AFAP1: variants seen among roughly 807,000 people sequenced by gnomAD.
AFAP1 encodes the protein actin filament-associated protein 1.
A neutral mutation model predicts 93.9 loss-of-function variants in AFAP1; 75 were observed. The observed-to-expected ratio is 0.80, with a 90% CI of 0.66 to 0.97. The LOEUF is 0.97. Among genes scored for constraint, AFAP1 ranks in the 50% least tolerant of loss-of-function variants. The pLI, the probability that AFAP1 is intolerant of heterozygous loss-of-function variation, is 0.00. For missense variants in AFAP1, 1,201 were observed against 1,050.8 expected (o/e 1.14, Z -1.98); for synonymous variants, 517 against 430.7 (o/e 1.20, Z -2.48).
chr4:7,795,057 A>G (rs12511332), intron 10 of AFAP1, among the ~76,000 whole-genome samples: 18,164 of 152,232 alleles, frequency 0.12, 1,305 homozygotes, highest in East Asian at 0.27. Flanking sequence ...TGGGTTTTAT[A>G]ATTATAACCT....
intron 11 of AFAP1, among the ~76,000 whole-genome samples, chr4:7,791,881 C>T (rs375467648): frequency 1.2e-4 from 18 of 151,504 alleles, no homozygotes; most frequent in East Asian, 7.7e-4. Context: ...CAACAAAACC[C>T]TAATAACAAA....
chr4:7,858,524 G>A (rs143404684), intron 3 of AFAP1, among the ~76,000 whole-genome samples: 1,733 of 152,210 alleles, frequency 0.011, 37 homozygotes, highest in African/African-American at 0.037. Context: ...ACTGCTTTTA[G>A]AGGATCAAGT....
At chr4:7,893,095 G>A (rs897771424) in intron 1 of AFAP1, among the ~76,000 whole-genome samples, 1 of 152,152 alleles carries the variant, frequency 6.6e-6, no homozygotes, top group East Asian at 1.9e-4. Flanking sequence ...GGTGCCGGGG[G>A]GGCAGAAACC....
intron 1 of AFAP1, among the ~76,000 whole-genome samples, chr4:7,933,851 G>A (rs1721237563): frequency 6.6e-6 from 1 of 152,214 alleles, no homozygotes; most frequent in Non-Finnish European, 1.5e-5. Context: ...CCCACATGGT[G>A]ATTTTTGCCC....
intron 1 of AFAP1, among the ~76,000 whole-genome samples, chr4:7,921,675 A>G (rs1006564031): frequency 5.9e-5 from 9 of 152,370 alleles, no homozygotes; most frequent in Admixed American, 5.9e-4. Context: ...TTCCATTTCT[A>G]GCAATGCATC....
At chr4:7,916,079 C>T (rs6838291) in intron 1 of AFAP1, among the ~76,000 whole-genome samples, 29,668 of 152,006 alleles carry the variant, frequency 0.2, 3,139 homozygotes, top group African/African-American at 0.26. Flanking sequence ...GCTTCACCCA[C>T]CTGGAAGGCA....
At chr4:7,763,868 C>G (rs1311139694) in intron 17 of AFAP1, 77 bp from the exon 18 acceptor site, 2 of 1,460,704 alleles carry the variant, frequency 1.4e-6, no homozygotes, top group Non-Finnish European at 1.9e-6. Context: ...CATCCACATT[C>G]AACTCAGAGG....
At position 7,939,416 on chromosome 4, in the gene AFAP1, G is replaced by A. The variant is rs561116801; in HGVS notation, c.-3+240C>T. 2.0e-5 allele frequency: 6 copies of A among 303,048 alleles called. No homozygotes were observed. Among genetic ancestry groups the A allele is most frequent in the South Asian group, 7.4e-5 (3 of 40,424 alleles). The allele number at this position is 303,048 out of a possible 1,614,324, so 18.8% of individuals were successfully genotyped here. On this transcript the variant is annotated intron_variant, in intron 1 of 17. Coordinates refer to ENST00000420658, the MANE Select transcript of AFAP1 (RefSeq NM_001134647.2). The surrounding 1 kb of genome is among the most constrained non-coding windows in gnomAD (Gnocchi z 5.6). ...CGCCCGGGTCCACGCAGTCCCCTCC[G>A]GGCAGACGCGGGGAGCTGGGGAGCA...
chr4:7,917,253 A>G (rs1720135154), intron 1 of AFAP1, among the ~76,000 whole-genome samples: 1 of 152,176 alleles, frequency 6.6e-6, no homozygotes, highest in African/African-American at 2.4e-5. Context: ...GGAGTCAATC[A>G]GGTCTCACTG....
chr4:7,781,502 A>G lies in AFAP1; in HGVS notation c.1656T>C (p.Ala552=). ...CAGACAGCCTAGAGGCCTTTCTGTC[A>G]GCAGGAGAGTAGCGGGCAAAGATGT... is the stretch of plus-strand genomic sequence containing the variant. ...PPHIFARYSP[A]DRKASRLSAD... Residue 552 remains alanine, a synonymous_variant, in exon 13 of 18, where the codon GCT becomes GCC. Coordinates refer to ENST00000420658, the MANE Select transcript of AFAP1 (RefSeq NM_001134647.2). 6.4e-7 allele frequency: 1 copy of G among 1,552,278 alleles called. No individual in the cohort carries two copies. The highest frequency in any genetic ancestry group is 8.7e-7 in the Non-Finnish European group (1 of 1,147,134).
chr4:7,822,654 G>A (rs1214474714), intron 6 of AFAP1, among the ~76,000 whole-genome samples: 26 of 145,434 alleles, frequency 1.8e-4, no homozygotes, highest in African/African-American at 6.7e-4. Context: ...GCACGATCTC[G>A]GCTCACTGCA....
At chr4:7,884,599 T>A (rs1395657564) in intron 1 of AFAP1, among the ~76,000 whole-genome samples, 1 of 152,124 alleles carries the variant, frequency 6.6e-6, no homozygotes, top group Admixed American at 6.5e-5. Flanking sequence ...AATTGTCACC[T>A]TAATAACTGG....
intron 3 of AFAP1, among the ~76,000 whole-genome samples, chr4:7,864,662 T>C (rs1348102020): frequency 3.3e-5 from 5 of 152,232 alleles, no homozygotes; most frequent in Non-Finnish European, 5.9e-5. Context: ...CTGTCCCACC[T>C]GTTGAGTTGT....
chr4:7,832,966 C>A (rs1033863463), intron 6 of AFAP1, among the ~76,000 whole-genome samples: 1 of 152,134 alleles, frequency 6.6e-6, no homozygotes, highest in Non-Finnish European at 1.5e-5. Context: ...GAGAATGAAA[C>A]TGGATCCTCA....
Position 7,763,606 on chromosome 4 carries a change from G to T in AFAP1, c.*159C>A, listed in dbSNP as rs1468637894. ...CCATTTTACAGTAGAAAGAATACAAGTGGGCCTGGGGGACAGGCACTGGCC... is the reference window on the plus strand; with the variant it reads ...CCATTTTACAGTAGAAAGAATACAATTGGGCCTGGGGGACAGGCACTGGCC... On this transcript the variant is annotated 3_prime_UTR_variant, in exon 18 of 18. Transcript: ENST00000420658. The T allele has an allele frequency of 5.7e-6, 4 of 702,388 alleles. No homozygotes were observed. The highest frequency in any genetic ancestry group is 3.6e-5 in the African/African-American group (2 of 55,088). 43.5% of individuals were successfully genotyped at this position (702,388 alleles called of 1,614,324 possible).
chr4:7,784,249 C>A (rs139332587), intron 12 of AFAP1, among the ~76,000 whole-genome samples: 2 of 152,174 alleles, frequency 1.3e-5, no homozygotes, highest in Non-Finnish European at 2.9e-5. Flanking sequence ...AGATGGGGGG[C>A]TCTACTGGAT....
rs368807249 is a variant in AFAP1, at chr4:7,768,874, G to C, written c.2388C>G (p.Pro796=). 12 of 1,607,336 alleles carry C rather than the reference G, an allele frequency of 7.5e-6. No individual in the cohort carries two copies. The highest frequency in any genetic ancestry group is 4.3e-6 in the Non-Finnish European group (5 of 1,175,154). The change falls in exon 17 of 18, where the codon CCC becomes CCG. Residue 796 remains proline, a synonymous_variant. Coordinates refer to ENST00000420658, the MANE Select transcript of AFAP1 (RefSeq NM_001134647.2). Reference sequence around the variant, plus strand: ...CCTTCCGCAGCACATGCCCTCGGCAGGGGGAGCTGCCCGGGGCAGCCTGGC... The same window carrying C: ...CCTTCCGCAGCACATGCCCTCGGCACGGGGAGCTGCCCGGGGCAGCCTGGC... ...KKSQAAPGSS[P]CRGHVLRKAK...
At chr4:7,909,060 G>C (rs1039567614) in intron 1 of AFAP1, among the ~76,000 whole-genome samples, 2 of 152,168 alleles carry the variant, frequency 1.3e-5, no homozygotes, top group Non-Finnish European at 2.9e-5. Context: ...AACTAAAGTA[G>C]TCTTTGGTTC....
At chr4:7,861,283 G>A (rs1398166093) in intron 3 of AFAP1, among the ~76,000 whole-genome samples, 1 of 152,142 alleles carries the variant, frequency 6.6e-6, no homozygotes, top group Non-Finnish European at 1.5e-5. Flanking sequence ...AGCACCCTAC[G>A]GCATTCATGC....
Sources: gnomAD v4.1 joint callset for allele counts (sites outside exome capture counted in the v4.1 genomes callset) on GRCh38, gnomAD v4.1.1 for gene constraint, Gnocchi (gnomAD v3.1) non-coding constraint, MANE v1.5 for transcripts, NCBI Gene and HGNC (gene_info 2026-07-23, HGNC 2026-07-21) for gene names.